CSMD1: variants seen among roughly 807,000 people sequenced by gnomAD.
CSMD1 encodes CUB and sushi domain-containing protein 1.
Under a neutral mutation model 417.5 loss-of-function variants are expected in CSMD1, and 213 were observed. That is an observed-to-expected ratio of 0.51 (90% CI 0.46 to 0.57). The LOEUF (loss-of-function observed/expected upper bound fraction) is 0.57, where lower values mean the gene tolerates loss of function less well. Among genes scored for constraint, CSMD1 ranks in the 20% least tolerant of loss-of-function variants. The pLI, the probability that CSMD1 is intolerant of heterozygous loss-of-function variation, is 0.00. For synonymous variants in CSMD1, 2,862 were observed against 1,736.8 expected (o/e 1.65, Z -16.11); for missense variants, 6,923 against 4,529.7 (o/e 1.53, Z -15.17).
intron 3 of CSMD1, among the ~76,000 whole-genome samples, chr8:4,198,190 C>T (rs1474650526): frequency 2.6e-5 from 4 of 152,192 alleles, no homozygotes; most frequent in Non-Finnish European, 4.4e-5. Flanking sequence ...TCATTCCAAG[C>T]AGAGAGTCCA....
chr8:4,196,803 C>G (rs1000868936), intron 3 of CSMD1, among the ~76,000 whole-genome samples: 2 of 152,062 alleles, frequency 1.3e-5, no homozygotes, highest in East Asian at 3.9e-4. Context: ...TTCACAGGCT[C>G]CAGGGATTAA....
At chr8:3,356,072 G>A (rs2117690158) in intron 21 of CSMD1, among the ~76,000 whole-genome samples, 1 of 152,290 alleles carries the variant, frequency 6.6e-6, no homozygotes, top group Admixed American at 6.5e-5. Context: ...CAGCTCAGAT[G>A]CTCACTAGAA....
At chr8:3,898,627 C>T (rs1584931674) in intron 5 of CSMD1, among the ~76,000 whole-genome samples, 1 of 152,284 alleles carries the variant, frequency 6.6e-6, no homozygotes, top group East Asian at 1.9e-4. Context: ...ATCAAAGGTG[C>T]ACCTATCACT....
At chr8:4,490,039 ATTTT>A (rs67307681) in intron 2 of CSMD1, among the ~76,000 whole-genome samples, 10 of 131,268 alleles carry the variant, frequency 7.6e-5, no homozygotes, top group Admixed American at 1.6e-4. Context: ...TCAGGTACCA[ATTTT>A]TTTTTTTTTT....
Position 3,222,588 on chromosome 8 carries a change from C to T in CSMD1, c.4484+1141G>A, listed in dbSNP as rs545302632. On this transcript the variant is annotated intron_variant, in intron 28 of 69. Coordinates refer to ENST00000635120, the MANE Select transcript of CSMD1 (RefSeq NM_033225.6). ...CCTCCTGAAATGCTGGGATTACAGT[C>T]ATGAACCACCATGCCTGGCTTCAAC... Among the ~76,000 whole-genome samples, 8 of 152,286 alleles carry T rather than the reference C, an allele frequency of 5.3e-5. No individual in the cohort carries two copies. The South Asian group carries it at 1.5e-3, about 28-fold the overall frequency.
intron 6 of CSMD1, among the ~76,000 whole-genome samples, chr8:3,712,648 T>C (rs1801593607): frequency 6.6e-6 from 1 of 152,334 alleles, no homozygotes; most frequent in South Asian, 2.1e-4. Context: ...GTCACAATCT[T>C]CGGAGGTGAG....
At chr8:3,557,601 G>T (rs1799213205) in intron 10 of CSMD1, among the ~76,000 whole-genome samples, 1 of 152,182 alleles carries the variant, frequency 6.6e-6, no homozygotes, top group South Asian at 2.1e-4. Flanking sequence ...GCCTCTCACT[G>T]CTTGAGGCTT....
chr8:3,723,077 TAAGG>T (rs1303694638), intron 6 of CSMD1, among the ~76,000 whole-genome samples: 2 of 152,154 alleles, frequency 1.3e-5, no homozygotes, highest in African/African-American at 4.8e-5. Flanking sequence ...CTTAGAGTCC[TAAGG>T]AAGAATCCTT....
At chr8:3,097,643 A>G (rs1050181016) in intron 46 of CSMD1, among the ~76,000 whole-genome samples, 5 of 152,192 alleles carry the variant, frequency 3.3e-5, no homozygotes, top group African/African-American at 1.2e-4. Context: ...TCATCAGGCT[A>G]TTCAGAACAG....
chr8:4,435,485 G>A (rs189459780), intron 2 of CSMD1, among the ~76,000 whole-genome samples: 1 of 152,180 alleles, frequency 6.6e-6, no homozygotes, highest in African/African-American at 2.4e-5. Flanking sequence ...TGGAAGCCCT[G>A]TTATGATATG....
chr8:4,451,605 A>G (rs1799148569), intron 2 of CSMD1, among the ~76,000 whole-genome samples: 1 of 152,206 alleles, frequency 6.6e-6, no homozygotes, highest in African/African-American at 2.4e-5. Flanking sequence ...ACCATTTTAG[A>G]GGTTATATTC....
At chr8:4,116,186 G>A (rs1343535561) in intron 3 of CSMD1, among the ~76,000 whole-genome samples, 1 of 151,750 alleles carries the variant, frequency 6.6e-6, no homozygotes, top group East Asian at 1.9e-4. Flanking sequence ...TACAGACGGG[G>A]TTTCCCCATG....
intron 2 of CSMD1, among the ~76,000 whole-genome samples, chr8:4,479,627 G>C (rs1043987915): frequency 1.3e-5 from 2 of 152,090 alleles, no homozygotes; most frequent in Non-Finnish European, 2.9e-5. Flanking sequence ...TGGGTGCAGT[G>C]GCTCACGCCT....
intron 3 of CSMD1, among the ~76,000 whole-genome samples, chr8:4,257,510 C>T (rs187692914): frequency 0.01 from 1,543 of 152,108 alleles, 13 homozygotes; most frequent in Middle Eastern, 0.041. Context: ...TTTCCTAGCC[C>T]TTTTTCAATA....
chr8:4,612,084 T>A (rs1051615364), intron 2 of CSMD1, among the ~76,000 whole-genome samples: 8 of 152,128 alleles, frequency 5.3e-5, no homozygotes, highest in Non-Finnish European at 1.2e-4. Context: ...AGAAGAGTGC[T>A]GGGAAGAGGA....
At chr8:3,289,772 A>G (rs1803414101) in intron 25 of CSMD1, among the ~76,000 whole-genome samples, 1 of 147,066 alleles carries the variant, frequency 6.8e-6, no homozygotes, top group African/African-American at 2.7e-5. Context: ...CCCATTCTGT[A>G]GGTTGCCTGT....
At chr8:3,800,432 G>C (rs938083878) in intron 5 of CSMD1, among the ~76,000 whole-genome samples, 1 of 152,128 alleles carries the variant, frequency 6.6e-6, no homozygotes, top group Non-Finnish European at 1.5e-5. Flanking sequence ...TTGAGAAATA[G>C]TATAAATTCT....
chr8:3,207,035 C>A (rs1478604267), intron 30 of CSMD1, among the ~76,000 whole-genome samples: 2 of 151,888 alleles, frequency 1.3e-5, no homozygotes, highest in African/African-American at 4.8e-5. Flanking sequence ...CACTTCCTAT[C>A]TTGGATATAC....
At chr8:3,575,297 C>A (rs139412337) in intron 9 of CSMD1, among the ~76,000 whole-genome samples, 2 of 152,076 alleles carry the variant, frequency 1.3e-5, no homozygotes, top group African/African-American at 4.8e-5. Context: ...CTTCATTTTT[C>A]CCAAAGGCCT....
Sources: allele counts gnomAD v4.1 joint callset (sites outside exome capture counted in the v4.1 genomes callset), GRCh38; gene constraint gnomAD v4.1.1; transcripts MANE v1.5; gene names NCBI Gene and HGNC (gene_info 2026-07-23, HGNC 2026-07-21).